The following TCF20 variants were observed in gnomAD, a reference collection of about 807,000 sequenced individuals.
TCF20 encodes SPRE-binding protein.
A neutral mutation model predicts 148.6 loss-of-function variants in TCF20; 3 were observed. The observed-to-expected ratio is 0.02, with a 90% confidence interval of 0.01 to 0.05. The LOEUF is 0.05. Among genes scored for constraint, TCF20 ranks in the 10% least tolerant of loss-of-function variants. TCF20 has a pLI of 1.00. For missense variants in TCF20, 2,350 were observed against 2,429.3 expected (o/e 0.97, Z 0.69); for synonymous variants, 1,049 against 909.5 (o/e 1.15, Z -2.76).
At chr22:42,265,542 C>T (rs1285150217) in intron 1 of TCF20, among the ~76,000 whole-genome samples, 1 of 152,200 alleles carries the variant, frequency 6.6e-6, no homozygotes, top group Non-Finnish European at 1.5e-5. Context: ...GTATCACTGT[C>T]ATGTACCGTT....
Position 42,212,899 on chromosome 22 carries a change from G to C in TCF20, c.2407C>G (p.Leu803Val). Reference protein sequence around the residue: ...SQTNELASRGLLNKSIGSLLE... With the variant: ...SQTNELASRGVLNKSIGSLLE... ...AGAGACCCAATGCTTTTGTTCAGAA[G>C]GCCCCTGCTAGCTAATTCATTGGTT... The change falls in exon 2 of 6, where the codon CTT becomes GTT. Residue 803 changes from leucine to valine, a missense_variant. Coordinates refer to ENST00000677622, the MANE Select transcript of TCF20 (RefSeq NM_001378418.1). The C allele has an allele frequency of 6.2e-7, 1 of 1,614,180 alleles. No homozygotes were observed. The highest frequency in any genetic ancestry group is 1.1e-5 in the South Asian group (1 of 91,088).
chr22:42,215,208 C>A lies in TCF20; in HGVS notation c.98G>T (p.Arg33Leu), dbSNP rs1311356987. The A allele has an allele frequency of 1.2e-6, 2 of 1,614,160 alleles. No individual in the cohort carries two copies. The highest frequency in any genetic ancestry group is 8.5e-7 in the Non-Finnish European group (1 of 1,180,026). ...GSSRLEEFSP[R>L]QAQMFQNFGG... ...AAAATTCTGGAACATCTGGGCCTGA[C>A]GAGGGCTGAACTCTTCTAGCCGGGA... The change falls in exon 2 of 6, where the codon CGT becomes CTT. Residue 33 changes from arginine to leucine, a missense_variant. Around this residue, in one of 7 missense-constraint regions of TCF20, gnomAD observed 1,641 missense variants for 1,662.6 expected, o/e 0.99. Coordinates refer to ENST00000677622, the MANE Select transcript of TCF20 (RefSeq NM_001378418.1).
intron 1 of TCF20, among the ~76,000 whole-genome samples, chr22:42,225,290 CAG>C (rs1308621705): frequency 2.6e-5 from 4 of 152,048 alleles, no homozygotes; most frequent in Non-Finnish European, 5.9e-5. Context: ...CCACAGTGCT[CAG>C]CCAAAATGTC....
intron 1 of TCF20, among the ~76,000 whole-genome samples, chr22:42,224,534 CAAAAAAAAAA>C (rs66858906): frequency 7.6e-5 from 3 of 39,566 alleles, no homozygotes; most frequent in African/African-American, 1.9e-4. Flanking sequence ...AAAGCTGGTA[CAAAAAAAAAA>C]AAAAAAAAAA....
At chr22:42,230,017 T>G (rs2147273427) in intron 1 of TCF20, among the ~76,000 whole-genome samples, 1 of 152,344 alleles carries the variant, frequency 6.6e-6, no homozygotes, top group South Asian at 2.1e-4. Flanking sequence ...AGCTTGCATT[T>G]CAGCATCTTA....
intron 1 of TCF20, among the ~76,000 whole-genome samples, chr22:42,326,640 C>T (rs952273669): frequency 6.6e-6 from 1 of 152,214 alleles, no homozygotes; most frequent in Admixed American, 6.5e-5. Flanking sequence ...CTCAGCCCTG[C>T]CGTTTAGCCA....
At chr22:42,169,787 T>C in intron 4 of TCF20, 60 bp downstream of exon 4, 4 of 1,589,896 alleles carry the variant, frequency 2.5e-6, no homozygotes, top group Non-Finnish European at 3.4e-6. Context: ...CTTCAGGTCT[T>C]TCAGGAGGAG....
intron 1 of TCF20, among the ~76,000 whole-genome samples, chr22:42,237,882 C>T (rs921671738): frequency 2.0e-5 from 3 of 152,198 alleles, no homozygotes; most frequent in African/African-American, 7.2e-5. Context: ...GATGTGCTGT[C>T]ATCTAGGTTT....
upstream of TCF20, among the ~76,000 whole-genome samples, chr22:42,273,360 C>CAAAAAAAAAA (rs35166029): frequency 4.9e-5 from 3 of 61,268 alleles, no homozygotes; most frequent in African/African-American, 1.9e-4. Context: ...AACTCCGTCT[C>CAAAAAAAAAA]AAAAAAAAAA....
At chr22:42,217,457 A>G (rs762951153) in intron 1 of TCF20, among the ~76,000 whole-genome samples, 2 of 152,088 alleles carry the variant, frequency 1.3e-5, no homozygotes, top group African/African-American at 2.4e-5. Flanking sequence ...ACTTACTCCA[A>G]ACAGACACAT....
In TCF20 at chr22:42,292,255, G is replaced by A. The variant is rs1318041060; in HGVS notation, c.-37+51224C>T. Among the ~76,000 whole-genome samples, 4 of 152,190 alleles carry A rather than the reference G, an allele frequency of 2.6e-5. No individual in the cohort carries two copies. Among genetic ancestry groups the A allele is most frequent in the Admixed American group, 2.0e-4 (3 of 15,286 alleles). On this transcript the variant is annotated intron_variant, in intron 1 of 1. Coordinates refer to the TCF20 transcript ENST00000515426. The surrounding 1 kb of genome is among the most constrained non-coding windows in gnomAD (Gnocchi z 4.9). ...TCACCCAGGTCCCACGGCGGTAGTAGGCAATACCTTACAGTTCCCAGGGTT... is the reference window on the plus strand; with the variant it reads ...TCACCCAGGTCCCACGGCGGTAGTAAGCAATACCTTACAGTTCCCAGGGTT...
intron 2 of TCF20, among the ~76,000 whole-genome samples, chr22:42,199,087 G>C (rs984737375): frequency 5.3e-5 from 8 of 152,182 alleles, no homozygotes; most frequent in Non-Finnish European, 8.8e-5. Flanking sequence ...ACAAAATCTA[G>C]AAGAGTCAGA....
chr22:42,269,201 A>G (rs983648018), intron 1 of TCF20, among the ~76,000 whole-genome samples: 2 of 152,174 alleles, frequency 1.3e-5, no homozygotes, highest in African/African-American at 4.8e-5. Context: ...GGCTGTTAAC[A>G]TAAGGGTCCA....
At chr22:42,318,237 G>A (rs1046764452) in intron 1 of TCF20, among the ~76,000 whole-genome samples, 5 of 152,232 alleles carry the variant, frequency 3.3e-5, no homozygotes, top group South Asian at 2.1e-4. Context: ...CTGATGTCAC[G>A]CCGAGCTATT....
chr22:42,318,548 AG>A (rs1272572244), intron 1 of TCF20, among the ~76,000 whole-genome samples: 1 of 152,172 alleles, frequency 6.6e-6, no homozygotes, highest in Non-Finnish European at 1.5e-5. Flanking sequence ...GCTGGCACTC[AG>A]GGATGATTCC....
intron 2 of TCF20, among the ~76,000 whole-genome samples, chr22:42,202,531 C>T (rs1269460877): frequency 6.6e-6 from 1 of 152,214 alleles, no homozygotes; most frequent in Admixed American, 6.5e-5. Context: ...GGCCTCCCCT[C>T]TACACAGCTG....
intron 2 of TCF20, among the ~76,000 whole-genome samples, chr22:42,189,032 T>A (rs1240908624): frequency 6.6e-6 from 1 of 152,008 alleles, no homozygotes; most frequent in Non-Finnish European, 1.5e-5. Context: ...AACAAACTGC[T>A]TTGTGGAGGG....
chr22:42,173,651 G>A (rs1385543782), intron 3 of TCF20, among the ~76,000 whole-genome samples: 1 of 152,190 alleles, frequency 6.6e-6, no homozygotes, highest in South Asian at 2.1e-4. Flanking sequence ...CATACACAGA[G>A]AGCAATTTCC....
chr22:42,281,921 C>T (rs1926910718), intron 1 of TCF20, among the ~76,000 whole-genome samples: 1 of 152,200 alleles, frequency 6.6e-6, no homozygotes, highest in African/African-American at 2.4e-5. Flanking sequence ...AGGATGGTCA[C>T]CCAGGCTCTG....
Sources: allele counts gnomAD v4.1 joint callset (sites outside exome capture counted in the v4.1 genomes callset), GRCh38; gene constraint gnomAD v4.1.1; regional missense constraint gnomAD v4.1.1; non-coding constraint Gnocchi (gnomAD v3.1); transcripts MANE v1.5; gene names NCBI Gene and HGNC (gene_info 2026-07-23, HGNC 2026-07-21).